Variants in ARHGAP22 observed in about 807,000 individuals in gnomAD.
ARHGAP22 encodes rho GTPase-activating protein 22.
ARHGAP22 carries 48 observed loss-of-function variants against 59.1 expected under a neutral mutation model. The observed-to-expected ratio is 0.81, with a 90% confidence interval of 0.64 to 1.03. The LOEUF (loss-of-function observed/expected upper bound fraction) is 1.03, where lower values mean the gene tolerates loss of function less well. Ranked by LOEUF, ARHGAP22 falls within the 50% of genes least tolerant of loss-of-function variation. ARHGAP22 has a pLI of 0.00. For synonymous variants in ARHGAP22, 445 were observed against 416.4 expected, an observed-to-expected ratio of 1.07 and a Z score of -0.84; for missense variants, 1,015 against 958.7, an observed-to-expected ratio of 1.06 and a Z score of -0.78.
chr10:48,556,146 C>T (rs187267005), intron 2 of ARHGAP22, among the ~76,000 whole-genome samples: 204 of 152,224 alleles, frequency 1.3e-3, no homozygotes, highest in African/African-American at 4.6e-3. Flanking sequence ...GGCAGCTGGG[C>T]TGAAAGGTGC....
At chr10:48,640,164 G>T (rs145586075) in intron 1 of ARHGAP22, among the ~76,000 whole-genome samples, 1 of 152,022 alleles carries the variant, frequency 6.6e-6, no homozygotes, top group South Asian at 2.1e-4. Context: ...CGAAATTAGC[G>T]AACCTGAAGA....
chr10:48,562,961 C>T (rs1374304916), intron 2 of ARHGAP22, among the ~76,000 whole-genome samples: 1 of 152,152 alleles, frequency 6.6e-6, no homozygotes, highest in Non-Finnish European at 1.5e-5. Context: ...ATGGGCCTTA[C>T]TGGGCTATAG....
chr10:48,641,408 C>T (rs1052091884), intron 1 of ARHGAP22, among the ~76,000 whole-genome samples: 9 of 152,018 alleles, frequency 5.9e-5, no homozygotes, highest in Non-Finnish European at 1.2e-4. Flanking sequence ...ATATGCCACA[C>T]GCTTCATCCC....
chr10:48,532,627 C>A (rs1361619852), intron 3 of ARHGAP22: 2 of 151,178 alleles, frequency 1.3e-5, no homozygotes, highest in Non-Finnish European at 2.9e-5. Flanking sequence ...CTAATGCTAT[C>A]CCTCCCCCAA....
chr10:48,641,795 A>C (rs552848397), intron 1 of ARHGAP22, among the ~76,000 whole-genome samples: 1 of 152,334 alleles, frequency 6.6e-6, no homozygotes, highest in East Asian at 1.9e-4. Context: ...GGAAATGAGG[A>C]AGTCAAATTG....
chr10:48,579,436 T>G (rs2058971737), intron 2 of ARHGAP22, among the ~76,000 whole-genome samples: 1 of 152,222 alleles, frequency 6.6e-6, no homozygotes, highest in Admixed American at 6.5e-5. Context: ...CTGGAAACCC[T>G]CAGGGACAGG....
the ARHGAP22 span, among the ~76,000 whole-genome samples, chr10:48,433,394 T>G: frequency 6.6e-6 from 1 of 152,264 alleles, no homozygotes; most frequent in African/African-American, 2.4e-5. Context: ...CATTGTGTAC[T>G]ATGTATGGTA....
At chr10:48,475,319 G>T (rs2048609473) in intron 4 of ARHGAP22, among the ~76,000 whole-genome samples, 1 of 152,096 alleles carries the variant, frequency 6.6e-6, no homozygotes, top group African/African-American at 2.4e-5. Flanking sequence ...CTCGCTCTGT[G>T]CTGTCTCATT....
At position 48,580,369 on chromosome 10, in the gene ARHGAP22, G is replaced by A. The variant is rs542543647; in HGVS notation, c.234+2584C>T. 2.6e-5 allele frequency among the ~76,000 whole-genome samples: 4 copies of A among 152,316 alleles called. No homozygotes were observed. In the East Asian group the frequency reaches 7.7e-4, roughly 29 times the overall value. ...TTCCTTATGGAGCTAGCTGATGGGT[G>A]AGGGCTCCCAGGGCCACTTCAAGGT... On this transcript the variant is annotated intron_variant, in intron 2 of 9. Transcript: ENST00000249601.
chr10:48,429,898 G>A, the ARHGAP22 span: 1 of 152,076 alleles, frequency 6.6e-6, no homozygotes, highest in Non-Finnish European at 1.5e-5. Flanking sequence ...AATATTTTTT[G>A]TTTGTACATT....
Position 48,454,068 on chromosome 10 carries a change from C to G in ARHGAP22, c.866+20G>C. Reference sequence around the variant, plus strand: ...GAGCCAGTGCAGGAAAGTGTGGTTCCCTCCTGCCAAGCCGCTTACTTGCAG... The same window carrying G: ...GAGCCAGTGCAGGAAAGTGTGGTTCGCTCCTGCCAAGCCGCTTACTTGCAG... On this transcript the variant is annotated intron_variant, in intron 7 of 9. Coordinates refer to ENST00000249601, the MANE Select transcript of ARHGAP22 (RefSeq NM_021226.4). The G allele has an allele frequency of 6.2e-7, 1 of 1,611,166 alleles. No homozygotes were observed. The highest frequency in any genetic ancestry group is 8.5e-7 in the Non-Finnish European group (1 of 1,177,566).
chr10:48,486,559 C>T (rs866035545), intron 3 of ARHGAP22, among the ~76,000 whole-genome samples: 1 of 152,108 alleles, frequency 6.6e-6, no homozygotes, highest in Non-Finnish European at 1.5e-5. Flanking sequence ...AGGCTGTTCT[C>T]GAACTCCTGA....
At chr10:48,465,214 G>A (rs2047532979) in intron 4 of ARHGAP22, among the ~76,000 whole-genome samples, 1 of 152,242 alleles carries the variant, frequency 6.6e-6, no homozygotes, top group African/African-American at 2.4e-5. Flanking sequence ...CGAGGTCCCA[G>A]CCCATGCTCT....
intron 3 of ARHGAP22, among the ~76,000 whole-genome samples, chr10:48,504,971 G>A (rs896540006): frequency 1.3e-5 from 2 of 152,170 alleles, no homozygotes; most frequent in African/African-American, 4.8e-5. Context: ...GGCAGGCAGA[G>A]GGGCCCAAGC....
chr10:48,476,648 T>C (rs1180533580), intron 4 of ARHGAP22, among the ~76,000 whole-genome samples: 1 of 152,196 alleles, frequency 6.6e-6, no homozygotes, highest in East Asian at 1.9e-4. Flanking sequence ...TTGATGGCAG[T>C]TCCTGTTTTA....
chr10:48,496,785 G>A (rs991078676), intron 3 of ARHGAP22, among the ~76,000 whole-genome samples: 2 of 152,174 alleles, frequency 1.3e-5, no homozygotes, highest in Non-Finnish European at 2.9e-5. Context: ...TGCAGTAATG[G>A]AGGGGGGCTG....
chr10:48,452,608 T>C (rs1422236336), intron 8 of ARHGAP22, among the ~76,000 whole-genome samples: 1 of 152,238 alleles, frequency 6.6e-6, no homozygotes. Flanking sequence ...ACGTCTCTCA[T>C]GCATACTCCA....
the ARHGAP22 span, chr10:48,437,761 A>G: frequency 1.3e-5 from 2 of 152,238 alleles, no homozygotes; most frequent in East Asian, 3.8e-4. Context: ...CAGTGTGTTC[A>G]TGCCAGACTT....
At chr10:48,584,638 A>G (rs1234222841) in intron 1 of ARHGAP22, among the ~76,000 whole-genome samples, 1 of 152,234 alleles carries the variant, frequency 6.6e-6, no homozygotes, top group East Asian at 1.9e-4. Context: ...GTCAAATATC[A>G]CTGGATACTT....
Sources: allele counts gnomAD v4.1 joint callset (sites outside exome capture counted in the v4.1 genomes callset), GRCh38; gene constraint gnomAD v4.1.1; transcripts MANE v1.5; gene names NCBI Gene and HGNC (gene_info 2026-07-23, HGNC 2026-07-21).